The following CASQ2 variants were observed in gnomAD, a reference collection of about 807,000 sequenced individuals.
The protein encoded by CASQ2 is calsequestrin 2.
In CASQ2, 49 loss-of-function variants were observed where a neutral mutation model predicts 46.5. That is an observed-to-expected ratio of 1.05 (90% confidence interval 0.84 to 1.34). CASQ2 has a LOEUF of 1.34. CASQ2 is among the 40% of genes most tolerant of loss of function. The pLI is 0.00. For synonymous variants in CASQ2, 174 were observed against 168.5 expected, an observed-to-expected ratio of 1.03 and a Z score of -0.25; for missense variants, 486 against 481.3, an observed-to-expected ratio of 1.01 and a Z score of -0.09.
At chr1:115,745,182 T>C (rs1030855383) in intron 1 of CASQ2, among the ~76,000 whole-genome samples, 2 of 152,100 alleles carry the variant, frequency 1.3e-5, no homozygotes, top group African/African-American at 4.8e-5. Flanking sequence ...ACATACCAGT[T>C]TCTGCCCTTG....
At chr1:115,716,629 G>A (rs186255049) in intron 8 of CASQ2, among the ~76,000 whole-genome samples, 3 of 152,116 alleles carry the variant, frequency 2.0e-5, no homozygotes, top group Admixed American at 2.0e-4. Context: ...TCTATGTTTG[G>A]GCAGCAAAGC....
Position 115,701,226 on chromosome 1 carries a change from T to C in CASQ2, c.*15A>G. 5 of 1,613,898 alleles carry C rather than the reference T, an allele frequency of 3.1e-6. No homozygotes were observed. Among genetic ancestry groups the C allele is most frequent in the Non-Finnish European group, 4.2e-6 (5 of 1,179,980 alleles). On this transcript the variant is annotated 3_prime_UTR_variant, in exon 11 of 11. Coordinates refer to ENST00000261448, the MANE Select transcript of CASQ2 (RefSeq NM_001232.4). Reference sequence around the variant, plus strand: ...TGCTGTGATTTTGTTTTCATCAGAATTGTTTGGAGTTGGGCTATTCATCAT... The same window carrying C: ...TGCTGTGATTTTGTTTTCATCAGAACTGTTTGGAGTTGGGCTATTCATCAT...
intron 9 of CASQ2, 50 bp downstream of exon 9, chr1:115,705,142 A>C (rs1203849195): frequency 8.8e-7 from 1 of 1,140,040 alleles, no homozygotes; most frequent in Non-Finnish European, 1.3e-6. Context: ...GAACGCAATC[A>C]TGAGGTTGTG....
intron 1 of CASQ2, among the ~76,000 whole-genome samples, chr1:115,766,872 T>C (rs1312917079): frequency 1.8e-5 from 2 of 110,328 alleles, no homozygotes; most frequent in Non-Finnish European, 4.2e-5. Flanking sequence ...AGATGATAGA[T>C]AGATAGATAG....
At chr1:115,722,550 G>A (rs1475107843) in intron 7 of CASQ2, among the ~76,000 whole-genome samples, 1 of 152,168 alleles carries the variant, frequency 6.6e-6, no homozygotes. Context: ...CCTGGGAGAA[G>A]GGGTCCATAG....
At chr1:115,706,992 T>G (rs1654384559) in intron 8 of CASQ2, among the ~76,000 whole-genome samples, 1 of 152,142 alleles carries the variant, frequency 6.6e-6, no homozygotes, top group Admixed American at 6.5e-5. Context: ...CCCTTAGGCC[T>G]TATTACCTGG....
At chr1:115,753,765 AG>A (rs1230263074) in intron 1 of CASQ2, among the ~76,000 whole-genome samples, 1 of 152,154 alleles carries the variant, frequency 6.6e-6, no homozygotes, top group Non-Finnish European at 1.5e-5. Flanking sequence ...GTCTTTGTAG[AG>A]GAGAAAGACT....
rs762214701 is a variant in CASQ2 at position 115,701,419 on chromosome 1, C to T, written c.1022G>A (p.Ser341Asn). The change falls in exon 11 of 11, where the codon AGT (serine) becomes AAT (asparagine). Residue 341 changes from serine (S) to asparagine (N), a missense_variant. Transcript: ENST00000261448. ...ATCATCTGGAATCTCCATCCAGACA[C>T]TGTCAGCCTGCAGTGAGGGACAAAA... ...IGVVNVTDADSVWMEIPDDDD... is the reference protein window; with the variant it reads ...IGVVNVTDADNVWMEIPDDDD... 6.2e-7 allele frequency: 1 copy of T among 1,609,818 alleles called. No individual in the cohort carries two copies. The highest frequency in any genetic ancestry group is 1.1e-5 in the South Asian group (1 of 90,932).
At position 115,747,899 on chromosome 1, in the gene CASQ2, C is replaced by T. The variant is rs188945037; in HGVS notation, c.235-2987G>A. ...TCTAGGTAGACAATTTTGTCACCTG[C>T]TAATAATTTCTTCCTTTTTCTGCAT... On this transcript the variant is annotated intron_variant, in intron 1 of 10. Coordinates refer to ENST00000261448, the MANE Select transcript of CASQ2 (RefSeq NM_001232.4). 3.8e-4 allele frequency among the ~76,000 whole-genome samples: 58 copies of T among 152,250 alleles called. No homozygotes were observed. The East Asian group carries it at 8.9e-3, about 23-fold the overall frequency.
At chr1:115,760,794 C>T (rs924893755) in intron 1 of CASQ2, among the ~76,000 whole-genome samples, 6 of 152,144 alleles carry the variant, frequency 3.9e-5, no homozygotes, top group South Asian at 2.1e-4. Flanking sequence ...ACTAAGAACA[C>T]GTGTAAAAGT....
chr1:115,719,443 G>A (rs1647292520), intron 7 of CASQ2, among the ~76,000 whole-genome samples: 1 of 152,186 alleles, frequency 6.6e-6, no homozygotes, highest in African/African-American at 2.4e-5. Flanking sequence ...ATTTCTGTGT[G>A]CCCTGCTAGA....
chr1:115,718,023 C>T lies in CASQ2; in HGVS notation c.784-129G>A, dbSNP rs1647225596. The T allele has an allele frequency of 5.4e-6, 4 of 736,434 alleles. No individual in the cohort carries two copies. In the Admixed American group the frequency reaches 5.7e-5, roughly 10 times the overall value. The allele number at this position is 736,434 out of a possible 1,614,324, so 45.6% of individuals were successfully genotyped here. On this transcript the variant is annotated intron_variant, in intron 7 of 10. Transcript: ENST00000261448. Reference sequence around the variant, plus strand: ...GGAGAGGTGTGGAAGCGGGGATGAACACAGAAGCACAGAGGAGTACAGCGG... The same window carrying T: ...GGAGAGGTGTGGAAGCGGGGATGAATACAGAAGCACAGAGGAGTACAGCGG...
chr1:115,713,138 T>A (rs932798928), intron 8 of CASQ2, among the ~76,000 whole-genome samples: 2 of 152,110 alleles, frequency 1.3e-5, no homozygotes, highest in Admixed American at 6.6e-5. Flanking sequence ...AGGATATCCA[T>A]CTAGCATGCA....
In CASQ2 at chr1:115,732,693, T is replaced by C. The variant is rs902760457; in HGVS notation, c.606+208A>G. 3.9e-5 allele frequency among the ~76,000 whole-genome samples: 6 copies of C among 152,340 alleles called. No individual in the cohort carries two copies. In the South Asian group the frequency reaches 8.3e-4, roughly 21 times the overall value. On this transcript the variant is annotated intron_variant, in intron 5 of 10. Coordinates refer to ENST00000261448, the MANE Select transcript of CASQ2 (RefSeq NM_001232.4). ...CATCACTTTTCCTTGGATGTTTTCATAAATATCCTTACATCCTCTGACTTA... is the reference window on the plus strand; with the variant it reads ...CATCACTTTTCCTTGGATGTTTTCACAAATATCCTTACATCCTCTGACTTA...
intron 1 of CASQ2, among the ~76,000 whole-genome samples, chr1:115,760,301 A>G (rs971603681): frequency 7.2e-5 from 11 of 152,216 alleles, no homozygotes; most frequent in African/African-American, 2.7e-4. Context: ...GTGCCTACAA[A>G]CGACACAGGG....
chr1:115,725,643 T>A, intron 6 of CASQ2, 90 bp from the exon 7 acceptor site: 1 of 1,488,402 alleles, frequency 6.7e-7, no homozygotes, highest in Non-Finnish European at 9.1e-7. Flanking sequence ...TTATGAAATG[T>A]AAAATGAGAT....
intron 4 of CASQ2, among the ~76,000 whole-genome samples, chr1:115,736,605 C>G (rs997622238): frequency 6.6e-6 from 1 of 152,098 alleles, no homozygotes; most frequent in Non-Finnish European, 1.5e-5. Context: ...CCACTGCACT[C>G]CAGCCTAGGC....
chr1:115,732,978 AG>A lies in CASQ2; in HGVS notation c.533-5del. ...GCTTCTTCAAAAGCCTTGTAGTCTA[AG>A]GGGAAAAATAAAGATGAAGGGAGAG... On this transcript the variant is annotated splice_region_variant and splice_polypyrimidine_tract_variant and intron_variant, in intron 4 of 10. Coordinates refer to ENST00000261448, the MANE Select transcript of CASQ2 (RefSeq NM_001232.4). 6.2e-7 allele frequency: 1 copy of A among 1,609,118 alleles called. No individual in the cohort carries two copies. Among genetic ancestry groups the A allele is most frequent in the Non-Finnish European group, 8.5e-7 (1 of 1,175,576 alleles).
At chr1:115,746,612 T>C (rs751827061) in intron 1 of CASQ2, among the ~76,000 whole-genome samples, 25 of 152,230 alleles carry the variant, frequency 1.6e-4, no homozygotes, top group Non-Finnish European at 1.9e-4. Context: ...ATGTCCTGAT[T>C]TGCCATGTGT....
Sources: allele counts gnomAD v4.1 joint callset (sites outside exome capture counted in the v4.1 genomes callset), GRCh38; gene constraint gnomAD v4.1.1; transcripts MANE v1.5; gene names NCBI Gene and HGNC (gene_info 2026-07-23, HGNC 2026-07-21).